GARNL3: variants seen among roughly 807,000 people sequenced by gnomAD.
The protein encoded by GARNL3 is GTPase activating Rap/RanGAP domain like 3, also known as GTPase-activating Rap/Ran-GAP domain-like protein 3.
A neutral mutation model predicts 125.0 loss-of-function variants in GARNL3; 63 were observed. That is an observed-to-expected ratio of 0.50 (90% CI 0.41 to 0.62). The LOEUF is 0.62. Among genes scored for constraint, GARNL3 ranks in the 20% least tolerant of loss-of-function variants. GARNL3 has a pLI of 0.00. For missense variants in GARNL3, 994 were observed against 1,244.0 expected, an observed-to-expected ratio of 0.80 and a Z score of 3.02; for synonymous variants, 439 against 457.5, an observed-to-expected ratio of 0.96 and a Z score of 0.52.
intron 17 of GARNL3, 46 bp downstream of exon 17, chr9:127,349,081 T>A: frequency 7.6e-7 from 1 of 1,321,666 alleles, no homozygotes; most frequent in South Asian, 1.2e-5. Context: ...ATGTAACTTG[T>A]AGTACTTCTA....
At chr9:127,332,217 A>T in intron 7 of GARNL3, 57 bp from the exon 8 acceptor site, 1 of 1,344,670 alleles carries the variant, frequency 7.4e-7, no homozygotes, top group South Asian at 1.2e-5. Context: ...CCCATCTCAA[A>T]ACTATATACG....
chr9:127,323,425 G>T (rs1445837441), intron 6 of GARNL3, among the ~76,000 whole-genome samples: 1 of 152,216 alleles, frequency 6.6e-6, no homozygotes, highest in African/African-American at 2.4e-5. Flanking sequence ...CTCTACAGCT[G>T]AGTGTTGAGA....
At chr9:127,348,246 A>G (rs1277460730) in intron 16 of GARNL3, among the ~76,000 whole-genome samples, 1 of 152,200 alleles carries the variant, frequency 6.6e-6, no homozygotes, top group African/African-American at 2.4e-5. Flanking sequence ...ATCATGGAAC[A>G]CAATGCCTCC....
At chr9:127,352,604 C>T (rs1395880670) in intron 17 of GARNL3, among the ~76,000 whole-genome samples, 1 of 152,082 alleles carries the variant, frequency 6.6e-6, no homozygotes, top group Non-Finnish European at 1.5e-5. Context: ...TTACATTTGC[C>T]CCAGTAATTG....
intron 2 of GARNL3, among the ~76,000 whole-genome samples, chr9:127,310,318 C>T (rs2065059410): frequency 6.6e-6 from 1 of 151,932 alleles, no homozygotes; most frequent in African/African-American, 2.4e-5. Context: ...GCCAAAAATA[C>T]CATAGAACAA....
chr9:127,361,846 C>T (rs866202877), intron 21 of GARNL3: 1 of 152,386 alleles, frequency 6.6e-6, no homozygotes, highest in Middle Eastern at 3.3e-3. Context: ...TGAACTTCCT[C>T]CATACGTGTC....
chr9:127,345,003 G>A (rs1210039281), intron 15 of GARNL3, among the ~76,000 whole-genome samples: 1 of 152,214 alleles, frequency 6.6e-6, no homozygotes, highest in Non-Finnish European at 1.5e-5. Context: ...GTGGAGAGAG[G>A]AAAGCCATGT....
At chr9:127,234,084 C>G (rs28535479) in intron 1 of GARNL3, among the ~76,000 whole-genome samples, 1 of 152,052 alleles carries the variant, frequency 6.6e-6, no homozygotes, top group African/African-American at 2.4e-5. Context: ...AAAACAGCAG[C>G]CTTCTTGGGA....
At chr9:127,360,273 T>C (rs1288611742) in intron 21 of GARNL3, among the ~76,000 whole-genome samples, 2 of 152,118 alleles carry the variant, frequency 1.3e-5, no homozygotes, top group Admixed American at 1.3e-4. Context: ...CCGCCCACCT[T>C]GGCCTCCCAA....
chr9:127,226,549 C>T (rs1451710897), intron 1 of GARNL3, among the ~76,000 whole-genome samples: 1 of 152,204 alleles, frequency 6.6e-6, no homozygotes, highest in Non-Finnish European at 1.5e-5. Context: ...TGCTTCCTCC[C>T]TTGTGCTGCA....
chr9:127,360,759 G>T (rs559110027), intron 21 of GARNL3, among the ~76,000 whole-genome samples: 1 of 152,258 alleles, frequency 6.6e-6, no homozygotes, highest in Non-Finnish European at 1.5e-5. Context: ...GGCAGGCCTC[G>T]CTTCCTGCTC....
chr9:127,350,166 T>C (rs140215770), intron 17 of GARNL3, among the ~76,000 whole-genome samples: 1 of 152,228 alleles, frequency 6.6e-6, no homozygotes. Context: ...TAATTTAAAA[T>C]TCATAAATTT....
chr9:127,240,491 C>T (rs767749171), intron 1 of GARNL3, among the ~76,000 whole-genome samples: 2 of 152,194 alleles, frequency 1.3e-5, no homozygotes, highest in African/African-American at 2.4e-5. Flanking sequence ...ATGGAAGCCT[C>T]GCCCCTTGTC....
At chr9:127,340,800 A>G (rs1228621417) in intron 13 of GARNL3, among the ~76,000 whole-genome samples, 3 of 151,910 alleles carry the variant, frequency 2.0e-5, no homozygotes, top group East Asian at 3.9e-4. Flanking sequence ...AGGCCAGGGC[A>G]AGGGACAGGC....
intron 2 of GARNL3, among the ~76,000 whole-genome samples, chr9:127,308,597 G>C (rs1334588890): frequency 2.6e-5 from 4 of 151,942 alleles, no homozygotes; most frequent in Non-Finnish European, 5.9e-5. Flanking sequence ...TAAAGACAAA[G>C]AGTCAGTGGA....
intron 21 of GARNL3, 22 bp from the exon 22 acceptor site, chr9:127,365,278 C>T (rs757026031): frequency 3.7e-6 from 6 of 1,605,596 alleles, no homozygotes; most frequent in Non-Finnish European, 5.1e-6. Context: ...CTGCCCACTA[C>T]CGTTGCCCGT....
chr9:127,387,121 A>G, intron 24 of GARNL3, 72 bp from the exon 25 acceptor site: 4 of 1,500,498 alleles, frequency 2.7e-6, no homozygotes, highest in Non-Finnish European at 3.6e-6. Flanking sequence ...GTTTGCAGTG[A>G]TGGCAGGAGG....
chr9:127,382,222 C>T (rs540393466), intron 22 of GARNL3, among the ~76,000 whole-genome samples: 13 of 152,200 alleles, frequency 8.5e-5, no homozygotes, highest in Non-Finnish European at 1.3e-4. Flanking sequence ...ATCGCTTGAA[C>T]CTGGGAGGCA....
intron 7 of GARNL3, among the ~76,000 whole-genome samples, chr9:127,326,979 A>G (rs988682847): frequency 2.2e-4 from 33 of 152,176 alleles, no homozygotes; most frequent in Admixed American, 7.9e-4. Context: ...AGTCTATGGT[A>G]TTTTGTTATA....
Sources: gnomAD v4.1 joint callset for allele counts (sites outside exome capture counted in the v4.1 genomes callset) on GRCh38, gnomAD v4.1.1 for gene constraint, MANE v1.5 for transcripts, NCBI Gene and HGNC (gene_info 2026-07-23, HGNC 2026-07-21) for gene names.